The following APP variants were observed in gnomAD, a reference collection of about 807,000 sequenced individuals.
APP encodes amyloid beta precursor protein, also known as amyloid-beta precursor protein.
In APP, 31 loss-of-function variants were observed where a neutral mutation model predicts 101.4. The observed-to-expected ratio is 0.31, with a 90% CI of 0.23 to 0.41. The LOEUF is 0.41. Ranked by LOEUF, APP falls within the 10% of genes least tolerant of loss-of-function variation. APP has a pLI of 1.00. For synonymous variants in APP, 366 were observed against 364.4 expected, an observed-to-expected ratio of 1.00 and a Z score of -0.05; for missense variants, 839 against 1,003.7, an observed-to-expected ratio of 0.84 and a Z score of 2.22.
chr21:26,090,522 C>G (rs1304444708), intron 2 of APP, among the ~76,000 whole-genome samples: 2 of 158 alleles, frequency 0.013, no homozygotes, highest in Non-Finnish European at 0.015. Context: ...TTAAGCAATG[C>G]AACTTTTTAA....
At chr21:26,136,623 CT>C (rs2062924530) in intron 1 of APP, among the ~76,000 whole-genome samples, 1 of 152,086 alleles carries the variant, frequency 6.6e-6, no homozygotes, top group Non-Finnish European at 1.5e-5. Flanking sequence ...CTTAGTCCAC[CT>C]CATCTTTTTC....
chr21:25,938,613 G>A (rs559601371), intron 13 of APP, among the ~76,000 whole-genome samples: 18 of 150,590 alleles, frequency 1.2e-4, no homozygotes, highest in African/African-American at 4.5e-4. Context: ...TAGAGCCCAA[G>A]AATCTGTATT....
chr21:25,992,940 T>A lies in APP; in HGVS notation c.1090+4420A>T, dbSNP rs572410283. Among the ~76,000 whole-genome samples, 14 of 152,358 alleles carry A rather than the reference T, an allele frequency of 9.2e-5. No individual in the cohort carries two copies. In the South Asian group the frequency reaches 2.9e-3, roughly 32 times the overall value. ...GTGAAAAGAACAAGAATAGTGTGAT[T>A]AAGAACAATAGTTCAAATTTGGCCA... On this transcript the variant is annotated intron_variant, in intron 8 of 17. Transcript: ENST00000346798.
chr21:25,924,612 A>G (rs2039802957), intron 13 of APP, among the ~76,000 whole-genome samples: 1 of 150,732 alleles, frequency 6.6e-6, no homozygotes, highest in African/African-American at 2.4e-5. Context: ...GGGCCTGTCC[A>G]GGGGTGGGGT....
chr21:25,891,974 T>C lies in APP; in HGVS notation c.2065-106A>G, dbSNP rs2037727251. ...TCATTTCTTAAATGCAGGGGACATT[T>C]GGATGAGGTTATATAAAAAGTTTCA... On this transcript the variant is annotated intron_variant, in intron 16 of 17. Transcript: ENST00000346798. 3 of 1,191,474 alleles carry C rather than the reference T, an allele frequency of 2.5e-6. No individual in the cohort carries two copies. The African/African-American group carries it at 4.6e-5, about 18-fold the overall frequency. 73.8% of individuals were successfully genotyped at this position (1,191,474 alleles called of 1,614,324 possible).
chr21:25,924,877 A>G (rs549684472), intron 13 of APP, among the ~76,000 whole-genome samples: 12 of 151,902 alleles, frequency 7.9e-5, no homozygotes, highest in African/African-American at 2.2e-4. Flanking sequence ...CTCCACTGCT[A>G]TTACTATTTT....
intron 16 of APP, among the ~76,000 whole-genome samples, chr21:25,897,356 C>T (rs749651180): frequency 9.9e-5 from 15 of 152,172 alleles, no homozygotes; most frequent in South Asian, 2.1e-4. Context: ...CCTCGTGATC[C>T]ACCCGCCTTG....
intron 16 of APP, among the ~76,000 whole-genome samples, chr21:25,893,944 G>C (rs185278864): frequency 2.8e-4 from 43 of 152,344 alleles, no homozygotes; most frequent in African/African-American, 1.0e-3. Context: ...TGACTCTCTT[G>C]TTAGGGGCTA....
At chr21:26,170,225 G>C (rs906803735) in intron 1 of APP, among the ~76,000 whole-genome samples, 1 of 152,132 alleles carries the variant, frequency 6.6e-6, no homozygotes, top group Non-Finnish European at 1.5e-5. Flanking sequence ...CCCCCTGTCT[G>C]AATGTCTCTC....
chr21:26,024,829 A>T (rs1226982825), intron 5 of APP, among the ~76,000 whole-genome samples: 8 of 152,242 alleles, frequency 5.3e-5, no homozygotes, highest in Admixed American at 5.2e-4. Flanking sequence ...TCTAACTCTG[A>T]TTAAATATGA....
At chr21:25,999,963 T>C (rs2043217604) in intron 7 of APP, 52 bp downstream of exon 7, 1 of 1,591,894 alleles carries the variant, frequency 6.3e-7, no homozygotes, top group Admixed American at 1.7e-5. Context: ...AAAAGCAGAG[T>C]CAGTGGCGAG....
chr21:25,943,172 T>G (rs913557796), intron 13 of APP: 1 of 151,896 alleles, frequency 6.6e-6, no homozygotes, highest in African/African-American at 2.4e-5. Flanking sequence ...TCTTTTTTTT[T>G]GAGATGGAGT....
chr21:25,955,988 T>C lies in APP; in HGVS notation c.1459-233A>G, dbSNP rs558091485. 5.8e-4 allele frequency among the ~76,000 whole-genome samples: 88 copies of C among 152,340 alleles called. 1 individual carries two copies. Among genetic ancestry groups the C allele is most frequent in the Non-Finnish European group, 9.0e-4 (61 of 68,022 alleles). On this transcript the variant is annotated intron_variant, in intron 11 of 17. Coordinates refer to ENST00000346798, the MANE Select transcript of APP (RefSeq NM_000484.4). Reference sequence around the variant, plus strand: ...CATTTAACATTCTCGACATATATGATGACTGTCCTCCTTACTCAACATTTT... The same window carrying C: ...CATTTAACATTCTCGACATATATGACGACTGTCCTCCTTACTCAACATTTT...
chr21:25,902,170 G>A (rs2038534296), intron 15 of APP, among the ~76,000 whole-genome samples: 1 of 152,046 alleles, frequency 6.6e-6, no homozygotes, highest in Admixed American at 6.5e-5. Context: ...GCACTGGGTG[G>A]GGGAAAAACA....
intron 3 of APP, among the ~76,000 whole-genome samples, chr21:26,085,401 T>C (rs7281821): frequency 0.083 from 12,670 of 152,166 alleles, 679 homozygotes; most frequent in African/African-American, 0.15. Context: ...CTCATCACAG[T>C]GCATGTATAG....
chr21:26,140,369 G>T (rs1003025311), intron 1 of APP: 1 of 1,479,422 alleles, frequency 6.8e-7, no homozygotes, highest in Admixed American at 2.3e-5. Context: ...CTTCTACCAC[G>T]CACAGCAAGG....
chr21:26,020,755 A>G (rs141456645), intron 6 of APP, among the ~76,000 whole-genome samples: 53 of 152,328 alleles, frequency 3.5e-4, no homozygotes, highest in African/African-American at 1.3e-3. Context: ...GAACAAATGC[A>G]TACTCTTTAA....
At chr21:26,116,792 G>A (rs1027074950) in intron 1 of APP, among the ~76,000 whole-genome samples, 13 of 152,096 alleles carry the variant, frequency 8.5e-5, no homozygotes, top group Admixed American at 7.9e-4. Flanking sequence ...TGAACCACCC[G>A]CTGACTAGTC....
chr21:26,108,648 G>A (rs971390533), intron 2 of APP, among the ~76,000 whole-genome samples: 1 of 152,326 alleles, frequency 6.6e-6, no homozygotes, highest in African/African-American at 2.4e-5. Flanking sequence ...AGCACTCTGG[G>A]AGGCCGAAGA....
Sources: allele counts gnomAD v4.1 joint callset (sites outside exome capture counted in the v4.1 genomes callset), GRCh38; gene constraint gnomAD v4.1.1; transcripts MANE v1.5; gene names NCBI Gene and HGNC (gene_info 2026-07-23, HGNC 2026-07-21).